TUSC3: variants seen among roughly 807,000 people sequenced by gnomAD.
TUSC3 encodes the protein dolichyl-diphosphooligosaccharide--protein glycosyltransferase subunit TUSC3.
TUSC3 carries 45 observed loss-of-function variants against 44.8 expected under a neutral mutation model. The ratio of observed to expected loss-of-function variants is 1.00; its 90% CI spans 0.79 to 1.29. The LOEUF is 1.29. Ranked by LOEUF, TUSC3 falls within the 50% of genes most tolerant of loss-of-function variation. The pLI, the probability that TUSC3 is intolerant of heterozygous loss-of-function variation, is 0.00. For synonymous variants in TUSC3, 212 were observed against 152.9 expected, an observed-to-expected ratio of 1.39 and a Z score of -2.85; for missense variants, 519 against 437.9, an observed-to-expected ratio of 1.19 and a Z score of -1.65.
intron 7 of TUSC3, among the ~76,000 whole-genome samples, chr8:15,731,189 T>A (rs567147098): frequency 1.3e-5 from 2 of 152,232 alleles, no homozygotes; most frequent in South Asian, 2.1e-4. Flanking sequence ...TGAGTCAGAC[T>A]AAGTGTTGTG....
In TUSC3 at chr8:15,757,795, C is replaced by G. The variant is rs2129223126; in HGVS notation, c.1033C>G (p.Leu345Val). The change falls in exon 10 of 11, where the codon CTG becomes GTG. Residue 345 changes from leucine (L) to valine (V), a missense_variant. Physicochemically the swap from Leu to Val is conservative, Grantham distance 32 (BLOSUM62 1). Transcript: ENST00000503731. ...TCATTGTGGTGTATTGGAAAGTGAT[C>G]TGGACTTTGAGTGAGAAGATGTGAT... ...SKYHGYPYSD[L>V]DFE is the part of the protein sequence containing the mutation. 1.4e-6 allele frequency: 2 copies of G among 1,460,826 alleles called. No homozygotes were observed. The highest frequency in any genetic ancestry group is 1.9e-6 in the Non-Finnish European group (2 of 1,040,576). 90.5% of individuals were successfully genotyped at this position (1,460,826 alleles called of 1,614,324 possible).
intron 1 of TUSC3, among the ~76,000 whole-genome samples, chr8:15,578,993 C>A (rs1257292696): frequency 6.6e-6 from 1 of 151,938 alleles, no homozygotes; most frequent in African/African-American, 2.4e-5. Context: ...ACAATTTCAG[C>A]TCCTGTTATT....
At chr8:15,756,740 C>T (rs1348438892) in intron 9 of TUSC3, among the ~76,000 whole-genome samples, 1 of 152,160 alleles carries the variant, frequency 6.6e-6, no homozygotes, top group Non-Finnish European at 1.5e-5. Flanking sequence ...GCCACAGCTC[C>T]AGAAGATGCA....
At chr8:15,440,509 G>C (rs139246795) in intron 1 of TUSC3, among the ~76,000 whole-genome samples, 1 of 152,174 alleles carries the variant, frequency 6.6e-6, no homozygotes, top group African/African-American at 2.4e-5. Flanking sequence ...TGATGTTGCC[G>C]TGTGAAGGAT....
intron 6 of TUSC3, among the ~76,000 whole-genome samples, chr8:15,694,833 TCCCA>T: frequency 6.6e-6 from 1 of 152,076 alleles, no homozygotes; most frequent in Non-Finnish European, 1.5e-5. Flanking sequence ...GTCACAACAC[TCCCA>T]TGAGTGGTGT....
the TUSC3 span, among the ~76,000 whole-genome samples, chr8:15,790,115 G>A: frequency 1.3e-5 from 2 of 151,822 alleles, no homozygotes; most frequent in African/African-American, 4.8e-5. Context: ...TCTAGAAAAG[G>A]GGTAGTAACG....
intron 1 of TUSC3, among the ~76,000 whole-genome samples, chr8:15,550,834 G>A (rs1468843706): frequency 6.6e-6 from 1 of 151,466 alleles, no homozygotes; most frequent in African/African-American, 2.4e-5. Flanking sequence ...ACAACACTTG[G>A]CTAATTTTTG....
chr8:15,614,495 C>G (rs116469338), intron 1 of TUSC3, among the ~76,000 whole-genome samples: 293 of 152,236 alleles, frequency 1.9e-3, no homozygotes, highest in African/African-American at 6.7e-3. Flanking sequence ...TACTTCTTGT[C>G]TTTATAAATT....
the TUSC3 span, chr8:15,807,132 T>C: frequency 9.8e-7 from 1 of 1,016,074 alleles, no homozygotes; most frequent in Non-Finnish European, 1.5e-6. Context: ...TGACCACCTT[T>C]CAAGTCCACT....
At chr8:15,670,278 A>T (rs1051336745) in intron 5 of TUSC3, among the ~76,000 whole-genome samples, 1 of 151,830 alleles carries the variant, frequency 6.6e-6, no homozygotes, top group Admixed American at 6.6e-5. Context: ...ATGAAGGAAG[A>T]ATAATGCTGG....
chr8:15,487,747 C>G (rs7844328), intron 2 of TUSC3, among the ~76,000 whole-genome samples: 2,431 of 152,250 alleles, frequency 0.016, 85 homozygotes, highest in African/African-American at 0.056. Context: ...TCCAATTAGC[C>G]TATTATTTTT....
At chr8:15,578,390 G>T (rs201883912) in intron 1 of TUSC3, among the ~76,000 whole-genome samples, 13,838 of 104,186 alleles carry the variant, frequency 0.13, no homozygotes, top group South Asian at 0.16. Context: ...CCTGTCTTGT[G>T]CCAGTTTTCA....
chr8:15,740,598 G>C (rs1252294302), intron 7 of TUSC3, among the ~76,000 whole-genome samples: 1 of 151,752 alleles, frequency 6.6e-6, no homozygotes, highest in African/African-American at 2.4e-5. Flanking sequence ...TCAGAACCAA[G>C]TGGTGAGCTA....
intron 1 of TUSC3, among the ~76,000 whole-genome samples, chr8:15,590,925 T>C (rs1028738526): frequency 6.6e-6 from 1 of 152,146 alleles, no homozygotes; most frequent in Non-Finnish European, 1.5e-5. Flanking sequence ...CTGTGTGCCT[T>C]GGCCTCCCAG....
rs574085290 is a variant in TUSC3 at position 15,761,267 on chromosome 8, G to A, written c.*47-2936G>A. Among the ~76,000 whole-genome samples, 9 of 152,286 alleles carry A rather than the reference G, an allele frequency of 5.9e-5. No homozygotes were observed. In the South Asian group the frequency reaches 1.9e-3, roughly 32 times the overall value. On this transcript the variant is annotated intron_variant, in intron 10 of 10. Coordinates refer to ENST00000503731, the MANE Select transcript of TUSC3 (RefSeq NM_006765.4). ...TCTAAATTGTGGTTTTCTACCATGA[G>A]GGAGTGCTGAGGAGAGAGCCAGCCT...
intron 1 of TUSC3, among the ~76,000 whole-genome samples, chr8:15,606,066 A>C (rs545982391): frequency 6.6e-6 from 1 of 151,984 alleles, no homozygotes; most frequent in Non-Finnish European, 1.5e-5. Flanking sequence ...GAATAACACC[A>C]TGGGACGCAA....
chr8:15,547,810 A>G (rs184230730), intron 1 of TUSC3, among the ~76,000 whole-genome samples: 2 of 151,624 alleles, frequency 1.3e-5, no homozygotes, highest in Non-Finnish European at 2.9e-5. Context: ...CATTATGGGT[A>G]CTTGAGTTCT....
chr8:15,462,083 A>G (rs1398084636), intron 1 of TUSC3, among the ~76,000 whole-genome samples: 1 of 152,040 alleles, frequency 6.6e-6, no homozygotes, highest in Non-Finnish European at 1.5e-5. Context: ...ATGGACAAAA[A>G]TTGTTTAGCA....
chr8:15,492,871 T>G (rs767133531), intron 2 of TUSC3, among the ~76,000 whole-genome samples: 5 of 152,060 alleles, frequency 3.3e-5, no homozygotes, highest in Non-Finnish European at 7.4e-5. Flanking sequence ...AATATTATAA[T>G]TAGGTAGTTG....
Sources: allele counts gnomAD v4.1 joint callset (sites outside exome capture counted in the v4.1 genomes callset), GRCh38; gene constraint gnomAD v4.1.1; transcripts MANE v1.5; gene names NCBI Gene and HGNC (gene_info 2026-07-23, HGNC 2026-07-21).